SH2B2: variants seen among roughly 807,000 people sequenced by gnomAD.
SH2B2 encodes SH2B adaptor protein 2, also known as SH2B adapter protein 2.
SH2B2 carries 37 observed loss-of-function variants against 35.7 expected under a neutral mutation model. That is an observed-to-expected ratio of 1.04 (90% CI 0.80 to 1.36). SH2B2 has a LOEUF of 1.36. Ranked by LOEUF, SH2B2 falls within the 40% of genes most tolerant of loss-of-function variation. The pLI, the probability that SH2B2 is intolerant of heterozygous loss-of-function variation, is 0.00. For missense variants in SH2B2, 852 were observed against 817.7 expected, an observed-to-expected ratio of 1.04 and a Z score of -0.51; for synonymous variants, 383 against 376.4, an observed-to-expected ratio of 1.02 and a Z score of -0.20.
Position 102,321,325 on chromosome 7 carries a change from C to T in SH2B2, c.1594C>T (p.Pro532Ser). ...PEPGPTPPAA[P>S]ASPACWSDSP... The stretch of plus-strand genomic sequence containing the variant: ...GCCGGGCCCCACGCCCCCTGCCGCG[C>T]CCGCGTCCCCGGCCTGCTGGAGCGA... The change falls in exon 9 of 9, where the codon CCC becomes TCC. Residue 532 changes from proline to serine, a missense_variant. Pro to Ser is a moderately conservative substitution (Grantham distance 74). Transcript: ENST00000444095. 1 of 1,431,252 alleles carries T rather than the reference C, an allele frequency of 7.0e-7. No individual in the cohort carries two copies. 88.7% of individuals were successfully genotyped at this position (1,431,252 alleles called of 1,614,324 possible).
At chr7:102,318,305 A>G (rs1388390591) in intron 7 of SH2B2, among the ~76,000 whole-genome samples, 2 of 152,000 alleles carry the variant, frequency 1.3e-5, no homozygotes, top group Non-Finnish European at 2.9e-5. Flanking sequence ...CACCTGGCTA[A>G]TTTTTGTATT....
At chr7:102,285,356 C>T (rs1563541321), upstream of SH2B2, 2 of 820,640 alleles carry the variant, frequency 2.4e-6, no homozygotes, top group South Asian at 3.0e-5. Flanking sequence ...TCTCGGGCAC[C>T]CCCTCCTCCC....
Position 102,300,535 on chromosome 7 carries a change from CG to C in SH2B2, c.-15del, listed in dbSNP as rs1554553332. 6.5e-7 allele frequency: 1 copy of C among 1,536,780 alleles called. No individual in the cohort carries two copies. Among genetic ancestry groups the C allele is most frequent in the African/African-American group, 1.4e-5 (1 of 72,674 alleles). On this transcript the variant is annotated 5_prime_UTR_variant, in exon 2 of 9. Coordinates refer to ENST00000444095, the MANE Select transcript of SH2B2 (RefSeq NM_001359228.2). ...TCTCGCCCGAAGCCGCAGGTGGCTG[CG>C]ATGGGACGGAAGCCATGAATGGTGC...
chr7:102,293,735 G>T (rs929015779), intron 1 of SH2B2, among the ~76,000 whole-genome samples: 1 of 151,974 alleles, frequency 6.6e-6, no homozygotes, highest in Non-Finnish European at 1.5e-5. Flanking sequence ...AATGTCCAAG[G>T]CCATCACTTC....
intron 7 of SH2B2, among the ~76,000 whole-genome samples, chr7:102,320,050 C>G (rs1793991436): frequency 1.3e-5 from 2 of 152,176 alleles, no homozygotes; most frequent in African/African-American, 4.8e-5. Flanking sequence ...TCCCTATCTT[C>G]TGGCATTAGG....
chr7:102,290,802 C>T (rs542444697), intron 1 of SH2B2, among the ~76,000 whole-genome samples: 1 of 152,332 alleles, frequency 6.6e-6, no homozygotes, highest in African/African-American at 2.4e-5. Context: ...CTGACCTTGG[C>T]CACATTGGAG....
At chr7:102,312,376 A>C (rs1234700546) in intron 4 of SH2B2, among the ~76,000 whole-genome samples, 1 of 152,210 alleles carries the variant, frequency 6.6e-6, no homozygotes, top group Non-Finnish European at 1.5e-5. Flanking sequence ...CTCTGTCTCA[A>C]AAAAAGGATA....
At chr7:102,286,782 C>T (rs1792466562), upstream of SH2B2, 2 of 51,780 alleles carry the variant, frequency 3.9e-5, no homozygotes. Context: ...GGGGCCAGGA[C>T]GCGCGAGGGG....
intron 4 of SH2B2, among the ~76,000 whole-genome samples, chr7:102,309,922 T>C (rs761926157): frequency 2.0e-5 from 3 of 152,082 alleles, no homozygotes; most frequent in Non-Finnish European, 2.9e-5. Flanking sequence ...GGAGGATCAC[T>C]TGAGCCCAGG....
chr7:102,300,994 G>A lies in SH2B2; in HGVS notation c.444G>A (p.Val148=), dbSNP rs782560571. ...RNMSLCVVDG[V]RDMWHRRASP... Reference sequence around the variant, plus strand: ...TGAGCCTGTGCGTGGTGGACGGCGTGCGCGACATGTGGCACCGGCGCGCCT... The same window carrying A: ...TGAGCCTGTGCGTGGTGGACGGCGTACGCGACATGTGGCACCGGCGCGCCT... The change falls in exon 2 of 9, where the codon GTG becomes GTA. Residue 148 remains valine, a synonymous_variant. Transcript: ENST00000444095. The A allele has an allele frequency of 1.8e-4, 257 of 1,441,318 alleles. No individual in the cohort carries two copies. The highest frequency in any genetic ancestry group is 2.2e-4 in the Non-Finnish European group (246 of 1,099,934). The allele number at this position is 1,441,318 out of a possible 1,614,324, so 89.3% of individuals were successfully genotyped here.
chr7:102,314,660 C>T lies in SH2B2; in HGVS notation c.1164C>T (p.Ser388=), dbSNP rs1353856075. The T allele has an allele frequency of 7.5e-6, 3 of 398,506 alleles. No homozygotes were observed. The highest frequency in any genetic ancestry group is 4.4e-5 in the Admixed American group (1 of 22,680). 24.7% of individuals were successfully genotyped at this position (398,506 alleles called of 1,614,324 possible). A position where few individuals can be genotyped will look rare whatever the true frequency, so the allele number is the denominator to read the frequency against. Residue 388 remains serine (S), a synonymous_variant, in exon 6 of 9, where the codon AGC becomes AGT. Coordinates refer to ENST00000444095, the MANE Select transcript of SH2B2 (RefSeq NM_001359228.2). ...FLQTLESPGG[S]GSDSNNTGEQ... is the part of the protein sequence containing the mutation. ...AGACCCTGGAATCCCCGGGCGGCAG[C>T]GGCAGTGACAGCAATAACACAGGTG...
Position 102,317,184 on chromosome 7 carries a change from CAG to C in SH2B2, c.1187-2_1187-1del. On this transcript the variant is annotated splice_acceptor_variant, in intron 6 of 8. Transcript: ENST00000444095. LOFTEE classifies it high-confidence loss of function. ...GTTCCTCACACTGTCATCCCCACCT[CAG>C]GGGAACAGGGTGCAGAGACGGATCC... 4 of 1,589,698 alleles carry C rather than the reference CAG, an allele frequency of 2.5e-6. No individual in the cohort carries two copies. The highest frequency in any genetic ancestry group is 3.4e-6 in the Non-Finnish European group (4 of 1,166,382).
chr7:102,311,130 A>T (rs4729780), intron 4 of SH2B2, among the ~76,000 whole-genome samples: 2 of 151,978 alleles, frequency 1.3e-5, no homozygotes, highest in Non-Finnish European at 2.9e-5. Flanking sequence ...TTGCTCTGTC[A>T]CCCAGGCTGG....
chr7:102,305,945 G>T (rs868950283), intron 2 of SH2B2, among the ~76,000 whole-genome samples: 45 of 148,070 alleles, frequency 3.0e-4, no homozygotes, highest in African/African-American at 1.1e-3. Context: ...CCCAGGTGGG[G>T]GTATAGTGGT....
Position 102,300,916 on chromosome 7 carries a change from C to A in SH2B2, c.366C>A (p.Ser122=). The change falls in exon 2 of 9, where the codon TCC becomes TCA. Residue 122 remains serine (S), a synonymous_variant. Transcript: ENST00000444095. ...YGHSRSSEDV[S]THAATKARVR... is the part of the protein sequence containing the mutation. The stretch of plus-strand genomic sequence containing the variant: ...ACTCGCGGAGCTCGGAGGACGTGTC[C>A]ACGCACGCGGCCACCAAGGCCCGCG... 1 of 1,485,934 alleles carries A rather than the reference C, an allele frequency of 6.7e-7. No individual in the cohort carries two copies. Among genetic ancestry groups the A allele is most frequent in the Non-Finnish European group, 8.9e-7 (1 of 1,122,162 alleles). The allele number at this position is 1,485,934 out of a possible 1,614,324, so 92.0% of individuals were successfully genotyped here.
rs1793985860 is a variant in SH2B2 at position 102,319,856 on chromosome 7, C to G, written c.1396-475C>G. The stretch of plus-strand genomic sequence containing the variant: ...TGCGGTCACTCCTCCCCAGCCAGCC[C>G]TGGGGAGCTTTCCATGCCTCCGGGT... On this transcript the variant is annotated intron_variant, in intron 7 of 8. Transcript: ENST00000444095. 3.9e-5 allele frequency among the ~76,000 whole-genome samples: 6 copies of G among 152,068 alleles called. No homozygotes were observed. The South Asian group carries it at 1.2e-3, about 32-fold the overall frequency.
At chr7:102,302,349 A>C (rs562276200) in intron 2 of SH2B2, among the ~76,000 whole-genome samples, 4 of 152,338 alleles carry the variant, frequency 2.6e-5, no homozygotes, top group African/African-American at 9.6e-5. Flanking sequence ...TCCCCAGCTC[A>C]GCTGCCAGAC....
In SH2B2 at chr7:102,320,452, C is replaced by G; in HGVS notation, c.1517C>G (p.Ser506Trp). Residue 506 changes from serine to tryptophan, a missense_variant, in exon 8 of 9, where the codon TCG becomes TGG. Physicochemically the swap from Ser to Trp is radical, Grantham distance 177. This residue lies in a region of SH2B2 where 556 missense variants were observed against 514.5 expected (regional missense o/e 1.08). Coordinates refer to ENST00000444095, the MANE Select transcript of SH2B2 (RefSeq NM_001359228.2). ...CCCATCCCACTGGAGTCAGGGGGCT[C>G]GGCCGACATCACCCTTCGCAGCTAT... ...THPIPLESGGSADITLRSYVR... is the reference protein window; with the variant it reads ...THPIPLESGGWADITLRSYVR... 3 of 1,613,732 alleles carry G rather than the reference C, an allele frequency of 1.9e-6. No individual in the cohort carries two copies. The highest frequency in any genetic ancestry group is 1.1e-5 in the South Asian group (1 of 91,090).
rs782251311 is a variant in SH2B2 at position 102,320,380 on chromosome 7, T to G, written c.1445T>G (p.Leu482Arg). The G allele has an allele frequency of 6.2e-6, 10 of 1,613,402 alleles. No homozygotes were observed. In the South Asian group the frequency reaches 1.1e-4, roughly 18 times the overall value. The change falls in exon 8 of 9, where the codon CTG becomes CGG. Residue 482 changes from leucine to arginine, a missense_variant. By Grantham distance (102) the Leu-to-Arg change is moderately radical. This residue lies in a region of SH2B2 where 556 missense variants were observed against 514.5 expected (regional missense o/e 1.08). Coordinates refer to ENST00000444095, the MANE Select transcript of SH2B2 (RefSeq NM_001359228.2). ...NGHGQCHVQH[L>R]WFQSVLDMLR... ...CACGGCCAGTGTCACGTACAGCATC[T>G]GTGGTTCCAGTCTGTGCTTGACATG...
Sources: allele counts gnomAD v4.1 joint callset (sites outside exome capture counted in the v4.1 genomes callset), GRCh38; gene constraint gnomAD v4.1.1; regional missense constraint gnomAD v4.1.1; transcripts MANE v1.5; gene names NCBI Gene and HGNC (gene_info 2026-07-23, HGNC 2026-07-21).